The following FOSL2 variants were observed in gnomAD, a reference collection of about 807,000 sequenced individuals.
FOSL2 encodes FOS like 2, AP-1 transcription factor subunit, also known as fos-related antigen 2.
In FOSL2, 3 loss-of-function variants were observed where a neutral mutation model predicts 27.7. The observed-to-expected ratio is 0.11, with a 90% CI of 0.05 to 0.28. The LOEUF is 0.28. Ranked by LOEUF, FOSL2 falls within the 10% of genes least tolerant of loss-of-function variation. The pLI is 1.00. For synonymous variants in FOSL2, 179 were observed against 190.1 expected, an observed-to-expected ratio of 0.94 and a Z score of 0.48; for missense variants, 333 against 445.1, an observed-to-expected ratio of 0.75 and a Z score of 2.27.
At chr2:28,394,511 C>G (rs1278251155) in intron 1 of FOSL2, 1 of 152,460 alleles carries the variant, frequency 6.6e-6, no homozygotes, top group African/African-American at 2.4e-5. Flanking sequence ...GCACTGCCCC[C>G]CAGGAACGAA....
At chr2:28,411,376 G>A (rs538866258) in intron 3 of FOSL2, among the ~76,000 whole-genome samples, 28 of 152,176 alleles carry the variant, frequency 1.8e-4, no homozygotes, top group African/African-American at 6.5e-4. Flanking sequence ...AAGGAGAGAG[G>A]TGGGTAGAGC....
intron 1 of FOSL2, among the ~76,000 whole-genome samples, chr2:28,394,282 G>A (rs954115463): frequency 6.6e-6 from 1 of 152,114 alleles, no homozygotes; most frequent in Non-Finnish European, 1.5e-5. Context: ...TTCTCCATCA[G>A]TCATAACTCC....
chr2:28,400,613 G>C (rs1449664934), intron 1 of FOSL2, among the ~76,000 whole-genome samples: 3 of 152,200 alleles, frequency 2.0e-5, no homozygotes, highest in Admixed American at 2.0e-4. Flanking sequence ...TTTAGAGCCA[G>C]TGTATTATCC....
Position 28,412,347 on chromosome 2 carries a change from G to A in FOSL2, c.880G>A (p.Ala294Thr), listed in dbSNP as rs370838431. Reference sequence around the variant, plus strand: ...TAGCGTCCTGGAGCAGGAGTCACCCGCATCTCCCTCCGAATCCTGCTCCAA... The same window carrying A: ...TAGCGTCCTGGAGCAGGAGTCACCCACATCTCCCTCCGAATCCTGCTCCAA... ...YPSVLEQESP[A>T]SPSESCSKAH... Residue 294 changes from alanine (A) to threonine (T), a missense_variant, in exon 4 of 4, where the codon GCA (alanine) becomes ACA (threonine). Around this residue, in one of 4 missense-constraint regions of FOSL2, gnomAD observed 26 missense variants for 59.3 expected, o/e 0.44. Coordinates refer to ENST00000264716, the MANE Select transcript of FOSL2 (RefSeq NM_005253.4). This position sits in a 1 kb window ranked among gnomAD's most constrained non-coding sequence, Gnocchi z 7.1. 1.9e-5 allele frequency: 31 copies of A among 1,612,908 alleles called. No individual in the cohort carries two copies. The highest frequency in any genetic ancestry group is 3.3e-5 in the South Asian group (3 of 91,084).
In FOSL2 at chr2:28,416,386, ATCT is replaced by A. The variant is rs1312085335; in HGVS notation, c.*3943_*3945del. 1 of 151,714 alleles carries A rather than the reference ATCT, an allele frequency of 6.6e-6. No individual in the cohort carries two copies. The highest frequency in any genetic ancestry group is 2.4e-5 in the African/African-American group (1 of 41,324). 9.4% of individuals were successfully genotyped at this position (151,714 alleles called of 1,614,324 possible). Reference sequence around the variant, plus strand: ...TTTATTATTTATTTTAAATGTTTACATCTTCTTTATGTTGTATCAAGCCTGAAT... The same window carrying A: ...TTTATTATTTATTTTAAATGTTTACATCTTTATGTTGTATCAAGCCTGAAT... On this transcript the variant is annotated 3_prime_UTR_variant, in exon 4 of 4. Coordinates refer to ENST00000264716, the MANE Select transcript of FOSL2 (RefSeq NM_005253.4).
chr2:28,401,137 C>G (rs781774547), intron 1 of FOSL2, among the ~76,000 whole-genome samples: 1 of 151,792 alleles, frequency 6.6e-6, no homozygotes, highest in Non-Finnish European at 1.5e-5. Flanking sequence ...GCAGAGTACA[C>G]AGGCACATCT....
chr2:28,412,172 G>A lies in FOSL2; in HGVS notation c.705G>A (p.Ser235=), dbSNP rs199702734. 7 of 1,607,446 alleles carry A rather than the reference G, an allele frequency of 4.4e-6. No homozygotes were observed. In the East Asian group the frequency reaches 6.7e-5, roughly 15 times the overall value. The change falls in exon 4 of 4, where the codon TCG becomes TCA. Residue 235 remains serine (S), a synonymous_variant. Transcript: ENST00000264716. This position sits in a 1 kb window ranked among gnomAD's most constrained non-coding sequence, Gnocchi z 7.1. The stretch of plus-strand genomic sequence containing the variant: ...AAGAGGACAGCCCCTCGTCCTCGTC[G>A]GCGGGGCTGGACAAGGCCCAGCGCT... ...PLEEDSPSSS[S]AGLDKAQRSV...
At position 28,414,118 on chromosome 2, in the gene FOSL2, C is replaced by G; in HGVS notation, c.*1670C>G. The stretch of plus-strand genomic sequence containing the variant: ...CTGCGGGGCTTGTGCTCTGCAAAGA[C>G]TCTGCTGCTGGGGATTCAGCTCTAG... On this transcript the variant is annotated 3_prime_UTR_variant, in exon 4 of 4. Coordinates refer to ENST00000264716, the MANE Select transcript of FOSL2 (RefSeq NM_005253.4). The G allele has an allele frequency of 3.0e-6, 1 of 333,662 alleles. No individual in the cohort carries two copies. 20.7% of individuals were successfully genotyped at this position (333,662 alleles called of 1,614,324 possible). A position where few individuals can be genotyped will look rare whatever the true frequency, so the allele number is the denominator to read the frequency against.
In FOSL2 at chr2:28,412,198, C is replaced by T. The variant is rs1282616618; in HGVS notation, c.731C>T (p.Ser244Phe). 1 of 1,612,656 alleles carries T rather than the reference C, an allele frequency of 6.2e-7. No homozygotes were observed. Among genetic ancestry groups the T allele is most frequent in the South Asian group, 1.1e-5 (1 of 91,046 alleles). ...GCGGGGCTGGACAAGGCCCAGCGCT[C>T]TGTCATCAAGCCCATCAGCATTGCT... is the stretch of plus-strand genomic sequence containing the variant. ...SSAGLDKAQR[S>F]VIKPISIAGG... Residue 244 changes from serine to phenylalanine, a missense_variant, in exon 4 of 4, where the codon TCT becomes TTT. By Grantham distance (155) the Ser-to-Phe change is radical. Coordinates refer to ENST00000264716, the MANE Select transcript of FOSL2 (RefSeq NM_005253.4). The surrounding 1 kb of genome is among the most constrained non-coding windows in gnomAD (Gnocchi z 7.1).
intron 1 of FOSL2, among the ~76,000 whole-genome samples, chr2:28,398,840 C>T (rs563517639): frequency 3.9e-4 from 59 of 152,344 alleles, no homozygotes; most frequent in African/African-American, 1.4e-3. Context: ...TGATGTTCAA[C>T]GCAGAACCTG....
At chr2:28,405,866 TA>T (rs1368494547) in intron 2 of FOSL2, among the ~76,000 whole-genome samples, 1 of 152,154 alleles carries the variant, frequency 6.6e-6, no homozygotes, top group African/African-American at 2.4e-5. Context: ...GCCATGCTTG[TA>T]AGGACTTTTA....
intron 2 of FOSL2, among the ~76,000 whole-genome samples, chr2:28,406,364 G>A (rs577508315): frequency 1.3e-5 from 2 of 152,140 alleles, no homozygotes; most frequent in Admixed American, 6.5e-5. Flanking sequence ...GCCCGGCCAC[G>A]CTCTCCATTC....
intron 1 of FOSL2, among the ~76,000 whole-genome samples, chr2:28,399,858 T>C (rs1223616336): frequency 6.6e-6 from 1 of 152,202 alleles, no homozygotes; most frequent in East Asian, 1.9e-4. Context: ...TTACATGTTA[T>C]CTAGGGCTGC....
At chr2:28,409,128 C>T (rs1442423635) in intron 3 of FOSL2, among the ~76,000 whole-genome samples, 3 of 152,158 alleles carry the variant, frequency 2.0e-5, no homozygotes, top group Non-Finnish European at 4.4e-5. Context: ...GTGCTAGCCA[C>T]GGTTTTTACG....
rs1329596980 is a variant in FOSL2 at position 28,413,492 on chromosome 2, G to A, written c.*1044G>A. The stretch of plus-strand genomic sequence containing the variant: ...CGCCACCCACAGAGATTTAATGAGC[G>A]TGGGCCTGGACCTTCCCCAGATGCT... On this transcript the variant is annotated 3_prime_UTR_variant, in exon 4 of 4. Coordinates refer to ENST00000264716, the MANE Select transcript of FOSL2 (RefSeq NM_005253.4). 1.0e-5 allele frequency: 4 copies of A among 398,760 alleles called. No homozygotes were observed. Among genetic ancestry groups the A allele is most frequent in the East Asian group, 7.1e-5 (2 of 28,062 alleles). The allele number at this position is 398,760 out of a possible 1,614,324, so 24.7% of individuals were successfully genotyped here. A position where few individuals can be genotyped will look rare whatever the true frequency, so the allele number is the denominator to read the frequency against.
rs531320932 is a variant in FOSL2 at position 28,415,591 on chromosome 2, G to A, written c.*3143G>A. On this transcript the variant is annotated 3_prime_UTR_variant, in exon 4 of 4. Coordinates refer to ENST00000264716, the MANE Select transcript of FOSL2 (RefSeq NM_005253.4). ...CTGGGACTTTTTTTCTCTTTTCCTTGATGGACCAACAGTGCAAATGCAATC... is the reference window on the plus strand; with the variant it reads ...CTGGGACTTTTTTTCTCTTTTCCTTAATGGACCAACAGTGCAAATGCAATC... 1.3e-5 allele frequency: 2 copies of A among 152,152 alleles called. No individual in the cohort carries two copies. The highest frequency in any genetic ancestry group is 2.4e-5 in the African/African-American group (1 of 41,432). The allele number at this position is 152,152 out of a possible 1,614,324, so 9.4% of individuals were successfully genotyped here.
intron 1 of FOSL2, among the ~76,000 whole-genome samples, chr2:28,399,172 C>T (rs1177447210): frequency 6.6e-6 from 1 of 152,202 alleles, no homozygotes; most frequent in African/African-American, 2.4e-5. Flanking sequence ...CTTGATAACC[C>T]AGACAAAAAT....
intron 1 of FOSL2, among the ~76,000 whole-genome samples, chr2:28,396,542 T>TA (rs1019496644): frequency 6.6e-6 from 1 of 151,984 alleles, no homozygotes; most frequent in African/African-American, 2.4e-5. Context: ...GCTTGACTAT[T>TA]ACGGTTTCAG....
chr2:28,408,064 G>A lies in FOSL2; in HGVS notation c.355-695G>A, dbSNP rs1453645521. ...GGTGGGCAGCAGGATTTTACCTGCTGGGGGCTCCTCTTCCTTTTGCATGTC... is the reference window on the plus strand; with the variant it reads ...GGTGGGCAGCAGGATTTTACCTGCTAGGGGCTCCTCTTCCTTTTGCATGTC... On this transcript the variant is annotated intron_variant, in intron 2 of 3. Coordinates refer to ENST00000264716, the MANE Select transcript of FOSL2 (RefSeq NM_005253.4). The surrounding 1 kb of genome is among the most constrained non-coding windows in gnomAD (Gnocchi z 4.1). Among the ~76,000 whole-genome samples the A allele has an allele frequency of 1.3e-5, 2 of 152,196 alleles. No individual in the cohort carries two copies. The highest frequency in any genetic ancestry group is 1.3e-4 in the Admixed American group (2 of 15,282).
Sources: allele counts gnomAD v4.1 joint callset (sites outside exome capture counted in the v4.1 genomes callset), GRCh38; gene constraint gnomAD v4.1.1; regional missense constraint gnomAD v4.1.1; non-coding constraint Gnocchi (gnomAD v3.1); transcripts MANE v1.5; gene names NCBI Gene and HGNC (gene_info 2026-07-23, HGNC 2026-07-21).